Variants in MYO18B observed in about 807,000 individuals in gnomAD.
MYO18B encodes the protein myosin XVIIIB, also known as unconventional myosin-XVIIIb.
Under a neutral mutation model 273.0 loss-of-function variants are expected in MYO18B, and 204 were observed. That is an observed-to-expected ratio of 0.75 (90% CI 0.67 to 0.84). The LOEUF (loss-of-function observed/expected upper bound fraction) is 0.84. Among genes scored for constraint, MYO18B ranks in the 40% least tolerant of loss-of-function variants. MYO18B has a pLI of 0.00. For missense variants in MYO18B, 3,212 were observed against 3,287.6 expected (o/e 0.98, Z 0.56); for synonymous variants, 1,330 against 1,305.7 (o/e 1.02, Z -0.40).
chr22:25,835,151 T>G, intron 16 of MYO18B, 145 bp from the exon 17 acceptor site: 2 of 929,136 alleles, frequency 2.2e-6, no homozygotes, highest in Non-Finnish European at 3.1e-6. Context: ...CTGGGGTGAT[T>G]GGGAGCATGG....
Position 25,779,973 on chromosome 22 carries a change from C to T in MYO18B, c.2069-83C>T, listed in dbSNP as rs891599267. 1.0e-5 allele frequency: 15 copies of T among 1,461,750 alleles called. No homozygotes were observed. In the East Asian group the frequency reaches 1.7e-4, roughly 17 times the overall value. The allele number at this position is 1,461,750 out of a possible 1,614,324, so 90.5% of individuals were successfully genotyped here. A position where few individuals can be genotyped will look rare whatever the true frequency, so the allele number is the denominator to read the frequency against. On this transcript the variant is annotated intron_variant, in intron 8 of 43. Coordinates refer to ENST00000335473, the MANE Select transcript of MYO18B (RefSeq NM_032608.7). ...GATGGGGACTGGCCCAAGCAGGGGC[C>T]GTGGAAAAGGTGGACCTGTGTGAGG...
At chr22:25,845,621 A>G (rs968549051) in intron 18 of MYO18B, among the ~76,000 whole-genome samples, 4 of 152,232 alleles carry the variant, frequency 2.6e-5, no homozygotes, top group Non-Finnish European at 4.4e-5. Flanking sequence ...CTGTCTGCTC[A>G]GGTATCAGGC....
At chr22:26,057,594 C>T in the MYO18B span, among the ~76,000 whole-genome samples, 2 of 150,194 alleles carry the variant, frequency 1.3e-5, no homozygotes, top group Admixed American at 1.3e-4. Flanking sequence ...AACCATGCTA[C>T]AGTTTTTCTA....
intron 7 of MYO18B, among the ~76,000 whole-genome samples, chr22:25,776,277 C>T (rs1196512192): frequency 6.6e-6 from 1 of 152,172 alleles, no homozygotes; most frequent in Non-Finnish European, 1.5e-5. Flanking sequence ...CATAGGGTGA[C>T]CTCTTGTCCT....
intron 1 of MYO18B, among the ~76,000 whole-genome samples, chr22:25,751,424 T>C (rs1354515793): frequency 6.6e-6 from 1 of 152,242 alleles, no homozygotes; most frequent in African/African-American, 2.4e-5. Flanking sequence ...TGTACCTACT[T>C]GAGCCAGCTT....
chr22:26,026,670 T>C lies in MYO18B; in HGVS notation c.6696T>C (p.Ser2232=), dbSNP rs769606589. The part of the protein sequence containing the change: ...EPASSPLASR[S]TNTSPLSREK... ...CTTCCTCTCCCCTGGCTTCTCGGAGTACAAATACATCCCCGCTGTCGAGGG... is the reference window on the plus strand; with the variant it reads ...CTTCCTCTCCCCTGGCTTCTCGGAGCACAAATACATCCCCGCTGTCGAGGG... The change falls in exon 43 of 44, where the codon AGT becomes AGC. Residue 2232 remains serine (S), a synonymous_variant. Coordinates refer to ENST00000335473, the MANE Select transcript of MYO18B (RefSeq NM_032608.7). The C allele has an allele frequency of 2.5e-6, 4 of 1,613,174 alleles. No individual in the cohort carries two copies. The highest frequency in any genetic ancestry group is 1.7e-5 in the Admixed American group (1 of 59,916).
intron 1 of MYO18B, among the ~76,000 whole-genome samples, chr22:25,750,536 A>G (rs1157239987): frequency 6.6e-6 from 1 of 152,106 alleles, no homozygotes; most frequent in African/African-American, 2.4e-5. Flanking sequence ...ATTCCTGCTG[A>G]GCATCTAAGC....
intron 39 of MYO18B, among the ~76,000 whole-genome samples, chr22:25,973,201 T>G (rs1376608713): frequency 6.6e-6 from 1 of 152,200 alleles, no homozygotes; most frequent in Non-Finnish European, 1.5e-5. Flanking sequence ...ATTTACTAAT[T>G]GCCGAGTGAA....
intron 39 of MYO18B, among the ~76,000 whole-genome samples, chr22:25,978,846 C>T (rs924269409): frequency 8.5e-5 from 13 of 152,092 alleles, no homozygotes; most frequent in East Asian, 7.7e-4. Context: ...CCCATCTACT[C>T]GGGTGGCTGA....
chr22:25,859,504 G>A (rs868751247), intron 21 of MYO18B, among the ~76,000 whole-genome samples: 2 of 152,122 alleles, frequency 1.3e-5, no homozygotes, highest in African/African-American at 4.8e-5. Context: ...CTGGCAATGT[G>A]TGAGGGTTTC....
intron 12 of MYO18B, among the ~76,000 whole-genome samples, chr22:25,818,822 T>A (rs573682607): frequency 4.4e-4 from 67 of 152,256 alleles, no homozygotes; most frequent in African/African-American, 1.5e-3. Context: ...GTATCTCACA[T>A]GTAACCATCT....
chr22:25,947,487 T>TACACACACAGACAC (rs71311532), intron 35 of MYO18B, among the ~76,000 whole-genome samples: 5 of 110,674 alleles, frequency 4.5e-5, no homozygotes, highest in African/African-American at 1.7e-4. Context: ...TAATGCCTAA[T>TACACACACAGACAC]ACACACACAC....
chr22:25,969,330 A>G (rs898855810), intron 39 of MYO18B, among the ~76,000 whole-genome samples: 3 of 152,202 alleles, frequency 2.0e-5, no homozygotes, highest in Admixed American at 2.0e-4. Flanking sequence ...CATAGCTGAT[A>G]CAGATTTGTG....
chr22:26,041,933 C>T, the MYO18B span, among the ~76,000 whole-genome samples: 1 of 152,208 alleles, frequency 6.6e-6, no homozygotes, highest in African/African-American at 2.4e-5. Flanking sequence ...CTTCCCTGGG[C>T]TTCCTCTCAG....
intron 18 of MYO18B, among the ~76,000 whole-genome samples, chr22:25,844,299 C>T (rs1413524246): frequency 2.0e-5 from 3 of 152,208 alleles, no homozygotes; most frequent in Non-Finnish European, 4.4e-5. Context: ...GGCTGCTCAG[C>T]CCAGAGTGCT....
chr22:25,783,510 A>G (rs1469611428), intron 10 of MYO18B, among the ~76,000 whole-genome samples: 2 of 148,110 alleles, frequency 1.4e-5, no homozygotes, highest in Non-Finnish European at 3.0e-5. Context: ...AGACACACAC[A>G]TCACCCTTGT....
the MYO18B span, among the ~76,000 whole-genome samples, chr22:26,047,974 T>C: frequency 0.079 from 11,973 of 152,224 alleles, 809 homozygotes; most frequent in African/African-American, 0.18. Flanking sequence ...TTGCTGTTCC[T>C]TGTGTGTGGA....
At position 25,902,787 on chromosome 22, in the gene MYO18B, G is replaced by A. The variant is rs2072016; in HGVS notation, c.4947+51G>A. The A allele has an allele frequency of 0.9, 1,381,585 of 1,538,840 alleles. 622,671 individuals carry two copies. Among genetic ancestry groups the A allele is most frequent in the Middle Eastern group, 0.97 (5,708 of 5,886 alleles). On this transcript the variant is annotated intron_variant, in intron 30 of 43. Coordinates refer to ENST00000335473, the MANE Select transcript of MYO18B (RefSeq NM_032608.7). ...TCTTGGCTCTTGGTGGCTAAATCTC[G>A]GGAAACTGCATCGTGCACCTGCTGC... is the stretch of plus-strand genomic sequence containing the variant.
chr22:25,898,191 C>A (rs1420920898), intron 28 of MYO18B, 116 bp from the exon 29 acceptor site: 8 of 1,198,586 alleles, frequency 6.7e-6, no homozygotes, highest in Non-Finnish European at 8.1e-6. Flanking sequence ...TCTCCCCATT[C>A]CAGCATCTGC....
Sources: allele counts gnomAD v4.1 joint callset (sites outside exome capture counted in the v4.1 genomes callset), GRCh38; gene constraint gnomAD v4.1.1; transcripts MANE v1.5; gene names NCBI Gene and HGNC (gene_info 2026-07-23, HGNC 2026-07-21).